Variants in HM13 observed in about 807,000 individuals in gnomAD.
HM13 encodes signal peptide peptidase.
Under a neutral mutation model 50.0 loss-of-function variants are expected in HM13, and 18 were observed. The observed-to-expected ratio is 0.36, with a 90% CI of 0.25 to 0.53. HM13 has a LOEUF of 0.53. Among genes scored for constraint, HM13 ranks in the 20% least tolerant of loss-of-function variants. The pLI is 0.90. For missense variants in HM13, 393 were observed against 552.4 expected (o/e 0.71, Z 2.89); for synonymous variants, 197 against 232.6 (o/e 0.85, Z 1.39).
Position 31,514,729 on chromosome 20 carries a change from G to A in HM13, c.178G>A (p.Gly60Ser), listed in dbSNP as rs776574042. The A allele has an allele frequency of 4.6e-6, 7 of 1,531,404 alleles. No individual in the cohort carries two copies. The South Asian group carries it at 8.5e-5, about 19-fold the overall frequency. The allele number at this position is 1,531,404 out of a possible 1,614,324, so 94.9% of individuals were successfully genotyped here. ...GALRSVRCAR[G>S]KNASDMPETI... ...CCTGCGCTCCGTACGCTGCGCCCGCGGCAAGGTAGGGTCAGCGGGAAAACC... is the reference window on the plus strand; with the variant it reads ...CCTGCGCTCCGTACGCTGCGCCCGCAGCAAGGTAGGGTCAGCGGGAAAACC... The change falls in exon 1 of 13, where the codon GGC becomes AGC. Residue 60 changes from glycine (G) to serine (S), a missense_variant. Physicochemically the swap from Gly to Ser is moderately conservative, Grantham distance 56. Transcript: ENST00000398174. This position sits in a 1 kb window ranked among gnomAD's most constrained non-coding sequence, Gnocchi z 4.3.
intron 10 of HM13, 31 bp from the exon 11 acceptor site, chr20:31,566,179 C>T: frequency 6.3e-7 from 1 of 1,585,696 alleles, no homozygotes; most frequent in Non-Finnish European, 8.7e-7. Context: ...CCGTGCCCAG[C>T]ATGGCTTCAC....
intron 9 of HM13, among the ~76,000 whole-genome samples, chr20:31,560,399 G>T (rs941119219): frequency 6.6e-6 from 1 of 152,200 alleles, no homozygotes; most frequent in Admixed American, 6.6e-5. Context: ...AGTAATAACA[G>T]TGACAGTGGT....
chr20:31,518,363 G>T (rs1470699454), intron 1 of HM13, among the ~76,000 whole-genome samples: 2 of 146,666 alleles, frequency 1.4e-5, no homozygotes, highest in African/African-American at 2.5e-5. Flanking sequence ...ACAATATGTT[G>T]GCCAGGCACA....
At chr20:31,538,356 C>G in intron 3 of HM13, 95 bp downstream of exon 3, 1 of 1,605,208 alleles carries the variant, frequency 6.2e-7, no homozygotes, top group Non-Finnish European at 8.5e-7. Context: ...TCATTCAGAG[C>G]CAGGTTTGAA....
At chr20:31,517,580 C>T (rs1362129290) in intron 1 of HM13, among the ~76,000 whole-genome samples, 1 of 152,054 alleles carries the variant, frequency 6.6e-6, no homozygotes, top group African/African-American at 2.4e-5. Flanking sequence ...TCTGATAGGC[C>T]TCCTGGAGGG....
At chr20:31,523,863 G>A (rs909248636) in intron 1 of HM13, among the ~76,000 whole-genome samples, 1 of 152,112 alleles carries the variant, frequency 6.6e-6, no homozygotes, top group Non-Finnish European at 1.5e-5. Context: ...CCACCTCCTA[G>A]CAAAGCTGTC....
At chr20:31,519,468 A>T (rs538253331) in intron 1 of HM13, among the ~76,000 whole-genome samples, 1 of 152,130 alleles carries the variant, frequency 6.6e-6, no homozygotes, top group Admixed American at 6.6e-5. Context: ...ATGTCAGTAC[A>T]TAGGGGGTGG....
At chr20:31,518,037 ATT>A (rs560265548) in intron 1 of HM13, among the ~76,000 whole-genome samples, 24 of 141,532 alleles carry the variant, frequency 1.7e-4, no homozygotes, top group African/African-American at 2.8e-4. Flanking sequence ...CTACAACTTG[ATT>A]TTTTTTTTTT....
At chr20:31,541,545 T>C (rs1247083656) in intron 3 of HM13, 1 of 148,608 alleles carries the variant, frequency 6.7e-6, no homozygotes, top group African/African-American at 2.5e-5. Flanking sequence ...ATGCTTACCA[T>C]ATGGGGTTAA....
chr20:31,539,274 G>A, intron 3 of HM13: 1 of 985,510 alleles, frequency 1.0e-6, no homozygotes, highest in Non-Finnish European at 1.2e-6. Flanking sequence ...TGACTACAGA[G>A]ATGTCCCAGT....
chr20:31,520,173 A>G (rs1437591410), intron 1 of HM13, among the ~76,000 whole-genome samples: 2 of 151,770 alleles, frequency 1.3e-5, no homozygotes, highest in East Asian at 1.9e-4. Context: ...TTTTATTTAG[A>G]TAGATTTTAC....
chr20:31,559,327 T>C (rs1401047876), intron 8 of HM13, among the ~76,000 whole-genome samples: 2 of 152,204 alleles, frequency 1.3e-5, no homozygotes, highest in African/African-American at 4.8e-5. Context: ...GCCTGGTACA[T>C]AGGCACTTGA....
chr20:31,529,375 G>A (rs1485299864), intron 2 of HM13, among the ~76,000 whole-genome samples: 1 of 151,714 alleles, frequency 6.6e-6, no homozygotes, highest in East Asian at 1.9e-4. Context: ...CTCCAGAGTA[G>A]CTGGGACTAC....
intron 11 of HM13, 78 bp from the exon 12 acceptor site, chr20:31,568,000 G>A: frequency 1.6e-6 from 2 of 1,278,392 alleles, no homozygotes; most frequent in Non-Finnish European, 1.1e-6. Context: ...TCTGCTCCTT[G>A]GAAAGGAAGT....
intron 3 of HM13, chr20:31,538,559 G>C (rs573930029): frequency 7.5e-7 from 1 of 1,335,124 alleles, no homozygotes; most frequent in Non-Finnish European, 9.6e-7. Context: ...ACTCAGGTGA[G>C]TAACACCAGT....
chr20:31,532,492 C>T (rs954711249), intron 2 of HM13, among the ~76,000 whole-genome samples: 2 of 152,158 alleles, frequency 1.3e-5, no homozygotes, highest in African/African-American at 4.8e-5. Flanking sequence ...CATCCTTGGT[C>T]CATGCCAGGC....
intron 9 of HM13, among the ~76,000 whole-genome samples, chr20:31,560,061 T>C (rs1287107887): frequency 2.0e-5 from 3 of 152,228 alleles, no homozygotes; most frequent in African/African-American, 7.2e-5. Context: ...ATCATCATCA[T>C]CTTTTATCAG....
chr20:31,554,006 G>A (rs996780077), intron 7 of HM13, among the ~76,000 whole-genome samples: 14 of 152,066 alleles, frequency 9.2e-5, no homozygotes, highest in South Asian at 4.1e-4. Context: ...ATAAAAAGGC[G>A]TTGAAATTGT....
intron 1 of HM13, among the ~76,000 whole-genome samples, chr20:31,524,778 A>G (rs1401117181): frequency 6.8e-6 from 1 of 147,200 alleles, no homozygotes; most frequent in Non-Finnish European, 1.5e-5. Flanking sequence ...CAGTGGCACA[A>G]TCTTGGCTCA....
Sources: allele counts gnomAD v4.1 joint callset (sites outside exome capture counted in the v4.1 genomes callset), GRCh38; gene constraint gnomAD v4.1.1; non-coding constraint Gnocchi (gnomAD v3.1); transcripts MANE v1.5; gene names NCBI Gene and HGNC (gene_info 2026-07-23, HGNC 2026-07-21).